PDE2A: variants seen among roughly 807,000 people sequenced by gnomAD.
PDE2A encodes the protein phosphodiesterase 2A.
A neutral mutation model predicts 133.6 loss-of-function variants in PDE2A; 53 were observed. The observed-to-expected ratio is 0.40, with a 90% CI of 0.32 to 0.50. PDE2A has a LOEUF of 0.50. Ranked by LOEUF, PDE2A falls within the 20% of genes least tolerant of loss-of-function variation. PDE2A has a pLI of 0.73. For missense variants in PDE2A, 796 were observed against 1,232.4 expected, an observed-to-expected ratio of 0.65 and a Z score of 5.30; for synonymous variants, 491 against 490.2, an observed-to-expected ratio of 1.00 and a Z score of -0.02.
chr11:72,578,546 A>G lies in PDE2A; in HGVS notation c.2470-32T>C, dbSNP rs761895946. On this transcript the variant is annotated intron_variant, in intron 28 of 30. Coordinates refer to ENST00000334456, the MANE Select transcript of PDE2A (RefSeq NM_002599.5). This position sits in a 1 kb window ranked among gnomAD's most constrained non-coding sequence, Gnocchi z 4.2. ...GGCCAACACTCTCATCACATCCTCTATGTAGGATACATCCACCCAAGCTCC... is the reference window on the plus strand; with the variant it reads ...GGCCAACACTCTCATCACATCCTCTGTGTAGGATACATCCACCCAAGCTCC... 3.2e-6 allele frequency: 5 copies of G among 1,583,048 alleles called. No individual in the cohort carries two copies. The highest frequency in any genetic ancestry group is 1.7e-5 in the Admixed American group (1 of 59,964).
intron 1 of PDE2A, chr11:72,643,280 G>C (rs148864697): frequency 1.3e-5 from 2 of 152,406 alleles, no homozygotes; most frequent in African/African-American, 2.4e-5. Flanking sequence ...GATTCAGCGG[G>C]TCACCGGGGT....
At chr11:72,610,505 C>T (rs944121627) in intron 2 of PDE2A, among the ~76,000 whole-genome samples, 5 of 152,184 alleles carry the variant, frequency 3.3e-5, no homozygotes, top group Admixed American at 6.5e-5. Context: ...CCCCTTCCCC[C>T]ACCCAATCCA....
chr11:72,657,218 C>T (rs1225586573), intron 1 of PDE2A, among the ~76,000 whole-genome samples: 1 of 152,180 alleles, frequency 6.6e-6, no homozygotes, highest in African/African-American at 2.4e-5. Context: ...TGGCTGTCCC[C>T]CACCTCACTC....
rs372882894 is a variant in PDE2A at position 72,612,141 on chromosome 11, A to G, written c.145-3390T>C. Among the ~76,000 whole-genome samples the G allele has an allele frequency of 8.5e-5, 13 of 152,178 alleles. No individual in the cohort carries two copies. The East Asian group carries it at 9.6e-4, about 11-fold the overall frequency. Reference sequence around the variant, plus strand: ...ATGCCCATCTACACATGCCACACAAATACATATTGCTACGCACTCCTCTAC... The same window carrying G: ...ATGCCCATCTACACATGCCACACAAGTACATATTGCTACGCACTCCTCTAC... On this transcript the variant is annotated intron_variant, in intron 2 of 30. Coordinates refer to ENST00000334456, the MANE Select transcript of PDE2A (RefSeq NM_002599.5).
intron 1 of PDE2A, among the ~76,000 whole-genome samples, chr11:72,664,926 C>A (rs1769126634): frequency 6.6e-6 from 1 of 152,002 alleles, no homozygotes; most frequent in African/African-American, 2.4e-5. Flanking sequence ...CCTGCCTCAG[C>A]CCCCCGAGTA....
At chr11:72,585,924 A>G in intron 14 of PDE2A, 146 bp downstream of exon 14, 1 of 653,116 alleles carries the variant, frequency 1.5e-6, no homozygotes. Context: ...AACAACTGCA[A>G]GCCTTCAAGT....
At chr11:72,670,514 C>T (rs1256034340) in intron 1 of PDE2A, among the ~76,000 whole-genome samples, 1 of 151,316 alleles carries the variant, frequency 6.6e-6, no homozygotes, top group Non-Finnish European at 1.5e-5. Context: ...TCTCATAAAA[C>T]CAAGAGACTC....
At chr11:72,664,364 ATTTTTTTTT>A (rs34217943) in intron 1 of PDE2A, among the ~76,000 whole-genome samples, 5 of 70,104 alleles carry the variant, frequency 7.1e-5, no homozygotes, top group East Asian at 4.0e-4. Flanking sequence ...CCCTTGAAGG[ATTTTTTTTT>A]TTTTTTTTTT....
In PDE2A at chr11:72,581,941, G is replaced by A. The variant is rs969758682; in HGVS notation, c.1858C>T (p.Leu620=). ...AAATTCATGTCCTGCAGCATGCTCA[G>A]GATGGCCTGGAGAGGGCAGAGGGAG... The part of the protein sequence containing the change: ...LPEDDTSMAI[L]SMLQDMNFIN... The change falls in exon 22 of 31, where the codon CTG becomes TTG. Residue 620 remains leucine (L), a synonymous_variant. Coordinates refer to ENST00000334456, the MANE Select transcript of PDE2A (RefSeq NM_002599.5). 1 of 1,613,644 alleles carries A rather than the reference G, an allele frequency of 6.2e-7. No individual in the cohort carries two copies. The highest frequency in any genetic ancestry group is 8.5e-7 in the Non-Finnish European group (1 of 1,179,706).
chr11:72,612,915 G>C (rs970068900), intron 2 of PDE2A, among the ~76,000 whole-genome samples: 1 of 152,188 alleles, frequency 6.6e-6, no homozygotes, highest in Non-Finnish European at 1.5e-5. Flanking sequence ...GCCAGGGTTG[G>C]GGCTCAGCCG....
chr11:72,674,348 C>CACCCCA lies in PDE2A; in HGVS notation c.-147_-142dup. ...TGCCCCCTACTCAGCCTGGACTCAA[C>CACCCCA]ACCCCAATCCAGCTCTGCTGCCCCG... On this transcript the variant is annotated 5_prime_UTR_variant, in exon 1 of 31. Coordinates refer to ENST00000334456, the MANE Select transcript of PDE2A (RefSeq NM_002599.5). 1.4e-6 allele frequency: 1 copy of CACCCCA among 716,690 alleles called. No individual in the cohort carries two copies. Among genetic ancestry groups the CACCCCA allele is most frequent in the South Asian group, 1.9e-5 (1 of 54,048 alleles). The allele number at this position is 716,690 out of a possible 1,614,324, so 44.4% of individuals were successfully genotyped here.
intron 13 of PDE2A, among the ~76,000 whole-genome samples, chr11:72,586,926 A>G (rs1213434417): frequency 6.6e-6 from 1 of 152,156 alleles, no homozygotes; most frequent in Non-Finnish European, 1.5e-5. Flanking sequence ...TCTAGATCCC[A>G]TCCCCACCAT....
intron 1 of PDE2A, among the ~76,000 whole-genome samples, chr11:72,648,738 A>G (rs920203014): frequency 2.6e-5 from 4 of 152,036 alleles, no homozygotes; most frequent in Non-Finnish European, 5.9e-5. Flanking sequence ...GCTCCCCATC[A>G]TCCACAGACC....
intron 2 of PDE2A, among the ~76,000 whole-genome samples, chr11:72,612,689 G>A (rs566082705): frequency 6.6e-6 from 1 of 151,670 alleles, no homozygotes; most frequent in African/African-American, 2.4e-5. Context: ...TGGATGGATG[G>A]GTGGGTGGAT....
intron 2 of PDE2A, 72 bp from the exon 3 acceptor site, chr11:72,608,823 G>A: frequency 1.2e-6 from 1 of 809,484 alleles, no homozygotes; most frequent in South Asian, 1.5e-5. Flanking sequence ...CCAAAGGACT[G>A]TGAGCAAAAC....
At chr11:72,623,006 T>C (rs763837488) in intron 2 of PDE2A, among the ~76,000 whole-genome samples, 1 of 152,182 alleles carries the variant, frequency 6.6e-6, no homozygotes, top group Admixed American at 6.5e-5. Flanking sequence ...TCTGGTATTG[T>C]GTCTGCTTAG....
intron 1 of PDE2A, among the ~76,000 whole-genome samples, chr11:72,645,854 T>C (rs893524741): frequency 6.6e-6 from 1 of 152,206 alleles, no homozygotes; most frequent in African/African-American, 2.4e-5. Context: ...GGATCTATTA[T>C]TAGTCACACT....
intron 6 of PDE2A, among the ~76,000 whole-genome samples, chr11:72,595,832 C>T (rs1856455716): frequency 2.0e-5 from 3 of 152,178 alleles, no homozygotes; most frequent in Admixed American, 1.3e-4. Context: ...GCGGCAGAAT[C>T]CCGTCCCCAC....
chr11:72,651,821 C>T (rs564443835), intron 1 of PDE2A, among the ~76,000 whole-genome samples: 101 of 152,322 alleles, frequency 6.6e-4, no homozygotes, highest in Non-Finnish European at 1.3e-3. Flanking sequence ...TCCTCAGGCC[C>T]CCGCCCAAGT....
Sources: gnomAD v4.1 joint callset for allele counts (sites outside exome capture counted in the v4.1 genomes callset) on GRCh38, gnomAD v4.1.1 for gene constraint, Gnocchi (gnomAD v3.1) non-coding constraint, MANE v1.5 for transcripts, NCBI Gene and HGNC (gene_info 2026-07-23, HGNC 2026-07-21) for gene names.